Variants in DHX35 observed in about 807,000 individuals in gnomAD.
The protein encoded by DHX35 is probable ATP-dependent RNA helicase DHX35.
DHX35 carries 84 observed loss-of-function variants against 99.6 expected under a neutral mutation model. The observed-to-expected ratio is 0.84, with a 90% CI of 0.71 to 1.01. The LOEUF (loss-of-function observed/expected upper bound fraction) is 1.01. DHX35 is among the 50% of genes least tolerant of loss of function. The pLI is 0.00. For missense variants in DHX35, 852 were observed against 888.5 expected (o/e 0.96, Z 0.52); for synonymous variants, 331 against 316.2 (o/e 1.05, Z -0.50).
chr20:38,981,961 A>AG (rs1190740589), intron 3 of DHX35, among the ~76,000 whole-genome samples: 1 of 151,860 alleles, frequency 6.6e-6, no homozygotes, highest in Non-Finnish European at 1.5e-5. Context: ...AAAAAAAAAA[A>AG]AAGAAATCAT....
chr20:38,970,781 C>T (rs1242313264), intron 2 of DHX35, among the ~76,000 whole-genome samples: 3 of 151,834 alleles, frequency 2.0e-5, no homozygotes, highest in Non-Finnish European at 4.4e-5. Flanking sequence ...TAAATTTTGG[C>T]CTTTTCTTGA....
intron 21 of DHX35, 35 bp from the exon 22 acceptor site, chr20:39,038,460 TAATC>T: frequency 6.2e-7 from 1 of 1,612,552 alleles, no homozygotes. Flanking sequence ...TTTCTTTGTC[TAATC>T]AACCCCAACT....
rs996397313 is a variant in DHX35 at position 39,021,877 on chromosome 20, C to T, written c.1535C>T (p.Ala512Val). ...FGCSQEILSI[A>V]AMMQIQNIFV... The stretch of plus-strand genomic sequence containing the variant: ...TGTTCTCAGGAAATTCTAAGCATCG[C>T]TGCCATGATGCAGATCCAGAATATC... Residue 512 changes from alanine (A) to valine (V), a missense_variant, in exon 16 of 22, where the codon GCT (alanine) becomes GTT (valine). Transcript: ENST00000252011. 1 of 1,614,066 alleles carries T rather than the reference C, an allele frequency of 6.2e-7. No homozygotes were observed. Among genetic ancestry groups the T allele is most frequent in the Non-Finnish European group, 8.5e-7 (1 of 1,180,022 alleles).
At chr20:39,003,688 G>T (rs2086561891) in intron 10 of DHX35, 61 bp from the exon 11 acceptor site, 5 of 1,558,348 alleles carry the variant, frequency 3.2e-6, no homozygotes, top group Admixed American at 1.8e-5. Flanking sequence ...CTTTCAGTAT[G>T]ATAAAATAGC....
chr20:38,966,394 G>T (rs906083468), intron 1 of DHX35, among the ~76,000 whole-genome samples: 1 of 152,206 alleles, frequency 6.6e-6, no homozygotes, highest in African/African-American at 2.4e-5. Flanking sequence ...GCTCAGCTGG[G>T]CGTGGTGGCT....
intron 17 of DHX35, among the ~76,000 whole-genome samples, chr20:39,023,985 G>A (rs145764833): frequency 2.0e-5 from 3 of 152,354 alleles, no homozygotes; most frequent in African/African-American, 7.2e-5. Context: ...ATCATTCATT[G>A]CTTTCCCTTG....
At position 39,014,949 on chromosome 20, in the gene DHX35, C is replaced by T. The variant is rs781083771; in HGVS notation, c.1402+15C>T. 2.5e-6 allele frequency: 4 copies of T among 1,613,990 alleles called. No homozygotes were observed. Among genetic ancestry groups the T allele is most frequent in the Admixed American group, 3.3e-5 (2 of 60,018 alleles). On this transcript the variant is annotated intron_variant, in intron 14 of 21. Transcript: ENST00000252011. Reference sequence around the variant, plus strand: ...TGCTCTGGGAGGTATGCCAGTTTCTCTCATCATTCTCTCTTATTATGTGTT... The same window carrying T: ...TGCTCTGGGAGGTATGCCAGTTTCTTTCATCATTCTCTCTTATTATGTGTT...
chr20:39,031,228 T>C (rs1486037156), intron 20 of DHX35, among the ~76,000 whole-genome samples: 1 of 152,004 alleles, frequency 6.6e-6, no homozygotes, highest in Non-Finnish European at 1.5e-5. Context: ...ATTTGTCTAC[T>C]CACTCATCCA....
chr20:38,968,134 G>T (rs150279934), intron 1 of DHX35, among the ~76,000 whole-genome samples: 2 of 152,314 alleles, frequency 1.3e-5, no homozygotes. Context: ...AGAGTGGTAC[G>T]TGACATGGAG....
intron 11 of DHX35, among the ~76,000 whole-genome samples, chr20:39,004,187 T>C (rs981706671): frequency 3.9e-5 from 6 of 152,032 alleles, no homozygotes; most frequent in Admixed American, 2.6e-4. Context: ...CTCAGCCTCC[T>C]GAGTAGCTGG....
In DHX35 at chr20:39,019,766, C is replaced by T. The variant is rs375796457; in HGVS notation, c.1498+867C>T. ...ATTCTCTTAGCAATTTTGAAATATACGATACATTATTATTAACTGTGGTCA... is the reference window on the plus strand; with the variant it reads ...ATTCTCTTAGCAATTTTGAAATATATGATACATTATTATTAACTGTGGTCA... On this transcript the variant is annotated intron_variant, in intron 15 of 21. Coordinates refer to ENST00000252011, the MANE Select transcript of DHX35 (RefSeq NM_021931.4). Among the ~76,000 whole-genome samples the T allele has an allele frequency of 2.6e-5, 4 of 152,202 alleles. No homozygotes were observed. In the South Asian group the frequency reaches 6.2e-4, roughly 24 times the overall value.
chr20:39,037,512 C>T (rs1049286265), intron 21 of DHX35, among the ~76,000 whole-genome samples: 10 of 152,098 alleles, frequency 6.6e-5, no homozygotes, highest in African/African-American at 2.2e-4. Context: ...TCTTCGTTCA[C>T]GCCCTCCATT....
chr20:39,021,751 A>C, intron 15 of DHX35, 90 bp from the exon 16 acceptor site: 1 of 1,239,152 alleles, frequency 8.1e-7, no homozygotes, highest in Non-Finnish European at 1.2e-6. Flanking sequence ...CTTAGTCTTC[A>C]GTGTGGTGCA....
intron 3 of DHX35, among the ~76,000 whole-genome samples, chr20:38,977,124 T>C (rs1380762093): frequency 6.6e-6 from 1 of 152,222 alleles, no homozygotes; most frequent in Non-Finnish European, 1.5e-5. Context: ...GTGGGATTGC[T>C]GCATCATATG....
intron 20 of DHX35, among the ~76,000 whole-genome samples, chr20:39,032,972 G>A (rs1425572028): frequency 6.6e-6 from 1 of 152,132 alleles, no homozygotes; most frequent in Non-Finnish European, 1.5e-5. Context: ...TTTGAAGAGT[G>A]CCCACGCCTG....
chr20:39,028,460 T>C lies in DHX35; in HGVS notation c.1844T>C (p.Phe615Ser). 6.2e-7 allele frequency: 1 copy of C among 1,614,242 alleles called. No individual in the cohort carries two copies. The highest frequency in any genetic ancestry group is 8.5e-7 in the Non-Finnish European group (1 of 1,180,050). ...LVLRCIVSGF[F>S]ANAARFHSTG... ...CTGAGGTGCATTGTCTCCGGCTTCT[T>C]CGCCAATGCAGCGAGGTTTCATTCT... Residue 615 changes from phenylalanine (F) to serine (S), a missense_variant, in exon 19 of 22, where the codon TTC becomes TCC. Physicochemically the swap from Phe to Ser is radical, Grantham distance 155 (BLOSUM62 -2). Transcript: ENST00000252011.
At chr20:38,964,687 C>T (rs1249891770) in intron 1 of DHX35, among the ~76,000 whole-genome samples, 2 of 152,174 alleles carry the variant, frequency 1.3e-5, no homozygotes, top group African/African-American at 2.4e-5. Flanking sequence ...CCTCGGCCTC[C>T]CAAAGTGTTG....
At chr20:38,964,766 A>T (rs2145823974) in intron 1 of DHX35, among the ~76,000 whole-genome samples, 1 of 152,304 alleles carries the variant, frequency 6.6e-6, no homozygotes, top group South Asian at 2.1e-4. Flanking sequence ...AATCAGGTTT[A>T]CTTTAGAAAG....
rs1434526085 is a variant in DHX35, at chr20:39,028,648, A to C, written c.1883+149A>C. Reference sequence around the variant, plus strand: ...CCAAAACTGAGTTGAGGTTAGCGACATAGCTTTAAGCAAAATATCTTGACT... The same window carrying C: ...CCAAAACTGAGTTGAGGTTAGCGACCTAGCTTTAAGCAAAATATCTTGACT... On this transcript the variant is annotated intron_variant, in intron 19 of 21. Coordinates refer to ENST00000252011, the MANE Select transcript of DHX35 (RefSeq NM_021931.4). The C allele has an allele frequency of 6.0e-6, 5 of 827,054 alleles. No homozygotes were observed. The Admixed American group carries it at 1.1e-4, about 17-fold the overall frequency. The allele number at this position is 827,054 out of a possible 1,614,324, so 51.2% of individuals were successfully genotyped here.
Sources: allele counts gnomAD v4.1 joint callset (sites outside exome capture counted in the v4.1 genomes callset), GRCh38; gene constraint gnomAD v4.1.1; transcripts MANE v1.5; gene names NCBI Gene and HGNC (gene_info 2026-07-23, HGNC 2026-07-21).